ELN: variants seen among roughly 807,000 people sequenced by gnomAD.
The protein encoded by ELN is elastin.
A neutral mutation model predicts 105.8 loss-of-function variants in ELN; 65 were observed. That is an observed-to-expected ratio of 0.61 (90% CI 0.50 to 0.75). ELN has a LOEUF of 0.75. Ranked by LOEUF, ELN falls within the 30% of genes least tolerant of loss-of-function variation. The pLI is 0.00. For missense variants in ELN, 882 were observed against 969.4 expected, an observed-to-expected ratio of 0.91 and a Z score of 1.20; for synonymous variants, 368 against 389.2, an observed-to-expected ratio of 0.95 and a Z score of 0.64.
intron 13 of ELN, 110 bp downstream of exon 13, chr7:74,047,826 G>C: frequency 6.0e-6 from 9 of 1,506,754 alleles, no homozygotes; most frequent in Middle Eastern, 1.7e-4. Context: ...CGCTGGGGCA[G>C]GGTTGGGGTC....
intron 8 of ELN, chr7:74,043,444 G>A: frequency 4.3e-6 from 3 of 701,756 alleles, no homozygotes; most frequent in Non-Finnish European, 7.7e-6. Flanking sequence ...GAGGCTCAAA[G>A]AGGCGAGTCA....
rs944440893 is a variant in ELN at position 74,063,922 on chromosome 7, G to A, written c.1993+227G>A. Reference sequence around the variant, plus strand: ...GTTTGAGACCAGCCTGGGTGACATGGCGAAACCTCATCTCTACCAAAAATA... The same window carrying A: ...GTTTGAGACCAGCCTGGGTGACATGACGAAACCTCATCTCTACCAAAAATA... On this transcript the variant is annotated intron_variant, in intron 29 of 32. Coordinates refer to ENST00000252034, the MANE Select transcript of ELN (RefSeq NM_000501.4). The surrounding 1 kb of genome is among the most constrained non-coding windows in gnomAD (Gnocchi z 4.1). Among the ~76,000 whole-genome samples, 1 of 151,672 alleles carries A rather than the reference G, an allele frequency of 6.6e-6. No individual in the cohort carries two copies. Among genetic ancestry groups the A allele is most frequent in the African/African-American group, 2.4e-5 (1 of 41,226 alleles).
intron 21 of ELN, 164 bp from the exon 22 acceptor site, chr7:74,057,476 G>A (rs1554680983): frequency 3.2e-6 from 5 of 1,564,292 alleles, no homozygotes; most frequent in Non-Finnish European, 4.3e-6. Flanking sequence ...CAGGTGAGCT[G>A]TGTCTCCAGC....
At chr7:74,060,640 G>A (rs1796444278) in intron 25 of ELN, 139 bp downstream of exon 25, 1 of 1,554,888 alleles carries the variant, frequency 6.4e-7, no homozygotes, top group Non-Finnish European at 8.7e-7. Flanking sequence ...CTAAGCATCT[G>A]GGGGTAACAG....
intron 8 of ELN, 118 bp from the exon 9 acceptor site, chr7:74,043,761 C>G: frequency 2.2e-6 from 3 of 1,365,184 alleles, no homozygotes; most frequent in Non-Finnish European, 3.1e-6. Context: ...CTGGCTGCCC[C>G]TGTCGGGCAC....
In ELN at chr7:74,057,304, C is replaced by T. The variant is rs74645021; in HGVS notation, c.1358-336C>T. ...CCAGGAAGCCATTCTCTTCTTCCTC[C>T]GATTCTCCCACCCACCCTTGCTCCC... On this transcript the variant is annotated intron_variant, in intron 21 of 32. Coordinates refer to ENST00000252034, the MANE Select transcript of ELN (RefSeq NM_000501.4). The T allele has an allele frequency of 7.5e-4, 913 of 1,215,540 alleles. 3 individuals carry two copies. In the African/African-American group the frequency reaches 0.01, roughly 14 times the overall value. The allele number at this position is 1,215,540 out of a possible 1,614,324, so 75.3% of individuals were successfully genotyped here.
rs1406805343 is a variant in ELN at position 74,069,414 on chromosome 7, C to T, written c.*714C>T. On this transcript the variant is annotated 3_prime_UTR_variant, in exon 33 of 33. Coordinates refer to ENST00000252034, the MANE Select transcript of ELN (RefSeq NM_000501.4). Reference sequence around the variant, plus strand: ...CCCGGCACCACTAGCTGGCTGGGTGCACCCACCATCAACCTGGTTGACCTG... The same window carrying T: ...CCCGGCACCACTAGCTGGCTGGGTGTACCCACCATCAACCTGGTTGACCTG... 2.5e-5 allele frequency: 6 copies of T among 235,602 alleles called. No individual in the cohort carries two copies. In the East Asian group the frequency reaches 3.0e-4, roughly 12 times the overall value. The allele number at this position is 235,602 out of a possible 1,614,324, so 14.6% of individuals were successfully genotyped here.
At chr7:74,058,534 T>C (rs1275841760) in intron 22 of ELN, among the ~76,000 whole-genome samples, 1 of 152,026 alleles carries the variant, frequency 6.6e-6, no homozygotes, top group Admixed American at 6.6e-5. Flanking sequence ...TTTAATTTTT[T>C]TGTAGCGACA....
intron 1 of ELN, among the ~76,000 whole-genome samples, chr7:74,034,392 G>C (rs1470085454): frequency 6.6e-6 from 1 of 152,148 alleles, no homozygotes; most frequent in Non-Finnish European, 1.5e-5. Flanking sequence ...ACTCCAGGGA[G>C]AACCAGGTAA....
intron 32 of ELN, 111 bp from the exon 33 acceptor site, chr7:74,068,546 G>A: frequency 7.4e-7 from 1 of 1,354,718 alleles, no homozygotes; most frequent in Non-Finnish European, 1.0e-6. Context: ...CCATGACTTG[G>A]CTTCTCTTGG....
chr7:74,042,813 G>C (rs1791545689), intron 6 of ELN, 107 bp downstream of exon 6: 3 of 1,536,616 alleles, frequency 2.0e-6, no homozygotes, highest in Non-Finnish European at 2.7e-6. Flanking sequence ...GGGTGGGTGG[G>C]ATTGTCAGTT....
At chr7:74,049,583 C>A (rs1402811725) in intron 15 of ELN, among the ~76,000 whole-genome samples, 1 of 148,054 alleles carries the variant, frequency 6.8e-6, no homozygotes, top group Admixed American at 6.7e-5. Context: ...CCATCCATTT[C>A]TCCATGCATG....
chr7:74,058,497 G>A lies in ELN; in HGVS notation c.1414+801G>A, dbSNP rs376166753. The stretch of plus-strand genomic sequence containing the variant: ...CGCCCCCCAAGAGCTGAGACCACAG[G>A]TGCCCACCACCATGCCTGGCTAATT... On this transcript the variant is annotated intron_variant, in intron 22 of 32. Coordinates refer to ENST00000252034, the MANE Select transcript of ELN (RefSeq NM_000501.4). 1.0e-3 allele frequency among the ~76,000 whole-genome samples: 155 copies of A among 152,096 alleles called. 1 individual carries two copies. The highest frequency in any genetic ancestry group is 3.6e-3 in the African/African-American group (148 of 41,460).
chr7:74,042,836 G>A, intron 6 of ELN, 130 bp downstream of exon 6: 1 of 1,528,154 alleles, frequency 6.5e-7, no homozygotes, highest in Non-Finnish European at 9.0e-7. Context: ...AATCTACTGG[G>A]GCTCAGGGAG....
chr7:74,066,414 G>A (rs1211010439), intron 31 of ELN, among the ~76,000 whole-genome samples: 7 of 151,938 alleles, frequency 4.6e-5, no homozygotes, highest in African/African-American at 1.7e-4. Context: ...TAAAAAAAAT[G>A]CAAAAATTAG....
chr7:74,039,997 A>G (rs565920487), intron 4 of ELN, among the ~76,000 whole-genome samples: 32 of 152,282 alleles, frequency 2.1e-4, no homozygotes, highest in Admixed American at 1.1e-3. Context: ...CCTCCTTTCC[A>G]GATGCTAGAA....
chr7:74,069,570 C>T lies in ELN; in HGVS notation c.*870C>T, dbSNP rs1798651047. 8.6e-6 allele frequency: 2 copies of T among 233,704 alleles called. No homozygotes were observed. Among genetic ancestry groups the T allele is most frequent in the Non-Finnish European group, 8.5e-6 (1 of 118,054 alleles). 14.5% of individuals were successfully genotyped at this position (233,704 alleles called of 1,614,324 possible). A position where few individuals can be genotyped will look rare whatever the true frequency, so the allele number is the denominator to read the frequency against. ...CCCACATGCAGTACTGTATACCCCC[C>T]ATCCCTCCCTCGGTCCACTGAACTT... is the stretch of plus-strand genomic sequence containing the variant. On this transcript the variant is annotated 3_prime_UTR_variant, in exon 33 of 33. Transcript: ENST00000252034.
rs10949834 is a variant in ELN, at chr7:74,066,239, G to A, written c.2086+242G>A. 0.11 allele frequency among the ~76,000 whole-genome samples: 17,128 copies of A among 152,220 alleles called. 988 individuals carry two copies. The highest frequency in any genetic ancestry group is 0.12 in the Non-Finnish European group (8,298 of 68,002). ...GTGCCACACCTGGTTGCTAGGTGGC[G>A]GCATGTTGTGTTGAGAAAGCCACTC... On this transcript the variant is annotated intron_variant, in intron 31 of 32. Transcript: ENST00000252034.
chr7:74,056,525 A>C, intron 20 of ELN, 90 bp downstream of exon 20: 5 of 1,606,288 alleles, frequency 3.1e-6, no homozygotes, highest in Non-Finnish European at 4.3e-6. Flanking sequence ...GGGACTGTAG[A>C]TCGGGCTTGA....
Sources: gnomAD v4.1 joint callset for allele counts (sites outside exome capture counted in the v4.1 genomes callset) on GRCh38, gnomAD v4.1.1 for gene constraint, Gnocchi (gnomAD v3.1) non-coding constraint, MANE v1.5 for transcripts, NCBI Gene and HGNC (gene_info 2026-07-23, HGNC 2026-07-21) for gene names.